CELF2: variants seen among roughly 807,000 people sequenced by gnomAD.
CELF2 encodes the protein CUGBP Elav-like family member 2, also known as CUG triplet repeat RNA-binding protein 2.
A neutral mutation model predicts 62.6 loss-of-function variants in CELF2; 8 were observed. The ratio of observed to expected loss-of-function variants is 0.13; its 90% CI spans 0.07 to 0.23. The LOEUF is 0.23. CELF2 is among the 10% of genes least tolerant of loss of function. The probability of loss-of-function intolerance (pLI) is 1.00; values close to 1 mark genes in which losing one functional copy is unlikely to be tolerated. For synonymous variants in CELF2, 258 were observed against 250.0 expected, an observed-to-expected ratio of 1.03 and a Z score of -0.30; for missense variants, 333 against 671.0, an observed-to-expected ratio of 0.50 and a Z score of 5.56.
At chr10:10,876,518 G>A (rs1475906804) in intron 1 of CELF2, among the ~76,000 whole-genome samples, 2 of 152,082 alleles carry the variant, frequency 1.3e-5, no homozygotes. Flanking sequence ...TCACACACTT[G>A]GACAAGCGTG....
At chr10:10,984,557 A>G (rs1193168917) in intron 2 of CELF2, among the ~76,000 whole-genome samples, 2 of 152,208 alleles carry the variant, frequency 1.3e-5, no homozygotes, top group African/African-American at 4.8e-5. Flanking sequence ...GGATAGAGAA[A>G]GGTACACTTT....
intron 1 of CELF2, among the ~76,000 whole-genome samples, chr10:11,033,537 G>GT (rs1230951952): frequency 2.0e-5 from 3 of 152,160 alleles, no homozygotes; most frequent in Non-Finnish European, 2.9e-5. Flanking sequence ...GATTACAGGC[G>GT]TAAGCCACCA....
In CELF2 at chr10:11,322,654, T is replaced by A. The variant is rs200564115; in HGVS notation, c.1294+1268T>A. Among the ~76,000 whole-genome samples, 1,370 of 145,478 alleles carry A rather than the reference T, an allele frequency of 9.4e-3. 4 individuals are homozygous for A. Among genetic ancestry groups the A allele is most frequent in the Non-Finnish European group, 0.013 (873 of 65,168 alleles). On this transcript the variant is annotated intron_variant, in intron 11 of 12. Coordinates refer to ENST00000633077, the MANE Select transcript of CELF2 (RefSeq NM_001326342.2). ...ATACTCATGGTTTTTTTTTTTTTTT[T>A]AAAGGAAGGAAAAGGTTTTTTCTTT...
chr10:10,944,008 C>T (rs147819468), intron 2 of CELF2, among the ~76,000 whole-genome samples: 7 of 152,278 alleles, frequency 4.6e-5, no homozygotes, highest in African/African-American at 1.7e-4. Context: ...AAGCTGAGTC[C>T]ATACTTAACT....
chr10:10,985,959 T>A (rs2052701040), intron 2 of CELF2, among the ~76,000 whole-genome samples: 1 of 152,230 alleles, frequency 6.6e-6, no homozygotes, highest in Non-Finnish European at 1.5e-5. Context: ...CCTAGGAAAT[T>A]TGAAGACCTA....
rs1591328744 is a variant in CELF2 at position 11,314,171 on chromosome 10, G to A, written c.1009G>A (p.Ala337Thr). Reference protein sequence around the residue: ...AASTPNSTAGAAMNSLTSLGT... With the variant: ...AASTPNSTAGTAMNSLTSLGT... The stretch of plus-strand genomic sequence containing the variant: ...TTCAACCCCCAACTCCACTGCTGGT[G>A]CAGCCATGAACTCCTTGACCTCTCT... Residue 337 changes from alanine to threonine, a missense_variant, in exon 10 of 13, where the codon GCA (alanine) becomes ACA (threonine). Coordinates refer to ENST00000633077, the MANE Select transcript of CELF2 (RefSeq NM_001326342.2). The surrounding 1 kb of genome is among the most constrained non-coding windows in gnomAD (Gnocchi z 5.3). The A allele has an allele frequency of 6.2e-7, 1 of 1,613,712 alleles. No homozygotes were observed. The highest frequency in any genetic ancestry group is 1.1e-5 in the South Asian group (1 of 91,074).
chr10:10,808,566 T>A (rs1330916009), intron 1 of CELF2, among the ~76,000 whole-genome samples: 1 of 152,114 alleles, frequency 6.6e-6, no homozygotes, highest in African/African-American at 2.4e-5. Flanking sequence ...CAAAATAGGA[T>A]CACAGGTCAC....
At chr10:10,597,033 C>A in the CELF2 span, among the ~76,000 whole-genome samples, 1 of 152,172 alleles carries the variant, frequency 6.6e-6, no homozygotes. Context: ...GACACATGAG[C>A]CTTCCTTGTG....
intron 2 of CELF2, chr10:10,945,946 C>CAAA (rs1457096709): frequency 2.0e-5 from 3 of 152,592 alleles, no homozygotes; most frequent in Non-Finnish European, 4.4e-5. Context: ...CCATAGCGAC[C>CAAA]AAAAGAGCAA....
intron 1 of CELF2, among the ~76,000 whole-genome samples, chr10:10,856,462 A>G (rs895702044): frequency 2.0e-5 from 3 of 152,174 alleles, no homozygotes; most frequent in African/African-American, 4.8e-5. Context: ...ATTTTGGGGG[A>G]AAAAATGACT....
chr10:10,674,371 T>G, the CELF2 span, among the ~76,000 whole-genome samples: 1 of 152,224 alleles, frequency 6.6e-6, no homozygotes, highest in Non-Finnish European at 1.5e-5. Context: ...GCATGGTATA[T>G]TGTTCTTTAT....
rs972095998 is a variant in CELF2 at position 10,995,311 on chromosome 10, T to C, written c.89+75312T>C. ...CATATTATGACATCTTTGTATCTCC[T>C]TTTCTCCTGAGATGATGTCATCGAA... On this transcript the variant is annotated intron_variant, in intron 2 of 13. Coordinates refer to the CELF2 transcript ENST00000636488. The surrounding 1 kb of genome is among the most constrained non-coding windows in gnomAD (Gnocchi z 4.7). Among the ~76,000 whole-genome samples, 6 of 152,212 alleles carry C rather than the reference T, an allele frequency of 3.9e-5. No individual in the cohort carries two copies. Among genetic ancestry groups the C allele is most frequent in the African/African-American group, 1.4e-4 (6 of 41,454 alleles).
intron 2 of CELF2, chr10:11,168,835 A>G (rs1401784249): frequency 6.6e-6 from 1 of 152,120 alleles, no homozygotes; most frequent in Admixed American, 6.5e-5. Flanking sequence ...TGAGATACCT[A>G]TATTCTCACT....
At chr10:11,279,807 G>A (rs373990267) in intron 8 of CELF2, among the ~76,000 whole-genome samples, 16 of 152,066 alleles carry the variant, frequency 1.1e-4, no homozygotes, top group East Asian at 9.6e-4. Context: ...TAATTTCTTC[G>A]TTTTGAGAAG....
chr10:10,775,545 GA>G, the CELF2 span, among the ~76,000 whole-genome samples: 1 of 152,000 alleles, frequency 6.6e-6, no homozygotes, highest in African/African-American at 2.4e-5. Flanking sequence ...AAAATCACTT[GA>G]ACCCAGCAGG....
At chr10:10,698,351 G>A in the CELF2 span, among the ~76,000 whole-genome samples, 13 of 152,122 alleles carry the variant, frequency 8.5e-5, no homozygotes, top group Admixed American at 1.3e-4. Context: ...TTTGATCTCC[G>A]CTTTGATTCC....
In CELF2 at chr10:11,055,868, G is replaced by A. The variant is rs2065128944; in HGVS notation, c.74+37705G>A. ...AGGTTCCTTTTCAGTCCCAACTGCTGTATTATTTAAATCCCATCTACAGCA... is the reference window on the plus strand; with the variant it reads ...AGGTTCCTTTTCAGTCCCAACTGCTATATTATTTAAATCCCATCTACAGCA... On this transcript the variant is annotated intron_variant, in intron 1 of 12. Transcript: ENST00000633077. 3.3e-5 allele frequency among the ~76,000 whole-genome samples: 5 copies of A among 152,120 alleles called. No individual in the cohort carries two copies. In the South Asian group the frequency reaches 8.3e-4, roughly 25 times the overall value.
intron 1 of CELF2, among the ~76,000 whole-genome samples, chr10:10,843,805 T>C (rs991541753): frequency 6.6e-6 from 1 of 152,016 alleles, no homozygotes; most frequent in African/African-American, 2.4e-5. Context: ...CCCCCAACAC[T>C]GAATAGGTTC....
chr10:10,541,300 T>C, the CELF2 span, among the ~76,000 whole-genome samples: 1 of 149,526 alleles, frequency 6.7e-6, no homozygotes, highest in South Asian at 2.1e-4. Context: ...AGATTGCTGA[T>C]GTCATATTGT....
Sources: allele counts gnomAD v4.1 joint callset (sites outside exome capture counted in the v4.1 genomes callset), GRCh38; gene constraint gnomAD v4.1.1; non-coding constraint Gnocchi (gnomAD v3.1); transcripts MANE v1.5; gene names NCBI Gene and HGNC (gene_info 2026-07-23, HGNC 2026-07-21).